The following PIK3C2B variants were observed in gnomAD, a reference collection of about 807,000 sequenced individuals.
The protein encoded by PIK3C2B is phosphatidylinositol-4-phosphate 3-kinase catalytic subunit type 2 beta.
A neutral mutation model predicts 184.3 loss-of-function variants in PIK3C2B; 83 were observed. The ratio of observed to expected loss-of-function variants is 0.45; its 90% CI spans 0.38 to 0.54. The LOEUF (loss-of-function observed/expected upper bound fraction) is 0.54, where lower values mean the gene tolerates loss of function less well. Among genes scored for constraint, PIK3C2B ranks in the 20% least tolerant of loss-of-function variants. The pLI is 0.00. For missense variants in PIK3C2B, 1,736 were observed against 2,113.5 expected (o/e 0.82, Z 3.50); for synonymous variants, 779 against 837.6 (o/e 0.93, Z 1.21).
At chr1:204,425,842 T>G in intron 31 of PIK3C2B, 101 bp from the exon 32 acceptor site, 1 of 1,107,424 alleles carries the variant, frequency 9.0e-7, no homozygotes, top group Non-Finnish European at 1.3e-6. Flanking sequence ...TCATCTGCCA[T>G]CTGGCATCTT....
chr1:204,451,234 C>A (rs1295786687), intron 12 of PIK3C2B, among the ~76,000 whole-genome samples: 3 of 152,262 alleles, frequency 2.0e-5, no homozygotes, highest in African/African-American at 7.2e-5. Context: ...TACAGTGGGG[C>A]AGAGAATCAG....
chr1:204,458,624 G>T, intron 8 of PIK3C2B, among the ~76,000 whole-genome samples: 1 of 151,780 alleles, frequency 6.6e-6, no homozygotes, highest in East Asian at 1.9e-4. Context: ...CTCCTGAATA[G>T]CTGGGATTAC....
chr1:204,425,468 A>G, intron 32 of PIK3C2B, 145 bp downstream of exon 32: 1 of 832,164 alleles, frequency 1.2e-6, no homozygotes. Context: ...TTGCAACATG[A>G]AAGCAGCTAC....
chr1:204,441,667 G>T, intron 20 of PIK3C2B, 104 bp from the exon 21 acceptor site: 1 of 672,882 alleles, frequency 1.5e-6, no homozygotes, highest in Non-Finnish European at 2.6e-6. Context: ...CGCTGCTGCC[G>T]GTCCACCCAA....
Position 204,468,897 on chromosome 1 carries a change from G to C in PIK3C2B, c.906C>G (p.Gly302=). 6.3e-7 allele frequency: 1 copy of C among 1,595,716 alleles called. No homozygotes were observed. The highest frequency in any genetic ancestry group is 8.5e-7 in the Non-Finnish European group (1 of 1,169,766). The change falls in exon 2 of 33, where the codon GGC becomes GGG. Residue 302 remains glycine, a synonymous_variant. Coordinates refer to ENST00000684373, the MANE Select transcript of PIK3C2B (RefSeq NM_001377334.1). ...GGGCTGCAGAAATCCGGCGGTTCTT[G>C]CCAGGCGTCGCATTCTTTCGGTTGC... is the stretch of plus-strand genomic sequence containing the variant. ...RYGNRKNATP[G]KNRRISAAPV...
chr1:204,437,261 G>A (rs1301744574), intron 23 of PIK3C2B, among the ~76,000 whole-genome samples: 1 of 152,168 alleles, frequency 6.6e-6, no homozygotes, highest in East Asian at 1.9e-4. Flanking sequence ...ATGGGAGGCT[G>A]AGGTGGGTGG....
chr1:204,488,817 T>C (rs1039691882), intron 1 of PIK3C2B, among the ~76,000 whole-genome samples: 1 of 152,194 alleles, frequency 6.6e-6, no homozygotes, highest in Non-Finnish European at 1.5e-5. Context: ...GCAACCCATA[T>C]TTCCCCCACT....
Position 204,433,481 on chromosome 1 carries a change from T to C in PIK3C2B, c.3844-56A>G, listed in dbSNP as rs1166236575. 27 of 1,138,020 alleles carry C rather than the reference T, an allele frequency of 2.4e-5. No homozygotes were observed. The South Asian group carries it at 3.3e-4, about 14-fold the overall frequency. The allele number at this position is 1,138,020 out of a possible 1,614,324, so 70.5% of individuals were successfully genotyped here. On this transcript the variant is annotated intron_variant, in intron 25 of 32. Transcript: ENST00000684373. This position sits in a 1 kb window ranked among gnomAD's most constrained non-coding sequence, Gnocchi z 5.0. ...GCCTGTAACAACAGAGAATTCTTGCTGCTTCTCTACCCTTAGGCAAGGTTT... is the reference window on the plus strand; with the variant it reads ...GCCTGTAACAACAGAGAATTCTTGCCGCTTCTCTACCCTTAGGCAAGGTTT...
intron 1 of PIK3C2B, among the ~76,000 whole-genome samples, chr1:204,476,790 G>A (rs537952561): frequency 1.6e-4 from 25 of 152,260 alleles, no homozygotes; most frequent in African/African-American, 5.8e-4. Flanking sequence ...TGATACCCCC[G>A]ACCACAAAAA....
At chr1:204,445,810 A>G in intron 16 of PIK3C2B, 146 bp downstream of exon 16, 2 of 528,778 alleles carry the variant, frequency 3.8e-6, no homozygotes, top group Admixed American at 3.3e-5. Flanking sequence ...GAGAAAGAAA[A>G]AGCAAAAAGG....
intron 12 of PIK3C2B, among the ~76,000 whole-genome samples, chr1:204,453,294 C>T (rs146782598): frequency 0.01 from 1,529 of 152,304 alleles, 14 homozygotes; most frequent in Middle Eastern, 0.027. Context: ...AAAACCCCTG[C>T]GGTGCCCCCA....
In PIK3C2B at chr1:204,434,293, C is replaced by T. The variant is rs546414459; in HGVS notation, c.3686+146G>A. 9.0e-4 allele frequency: 637 copies of T among 706,772 alleles called. 2 individuals carry two copies. Among genetic ancestry groups the T allele is most frequent in the Non-Finnish European group, 1.3e-3 (549 of 416,230 alleles). The allele number at this position is 706,772 out of a possible 1,614,324, so 43.8% of individuals were successfully genotyped here. ...CCTGCAAGGACTTGACCTCTTTATC[C>T]GTCTTCTCTCCTCCAATGCTGCTCA... On this transcript the variant is annotated intron_variant, in intron 24 of 32. Transcript: ENST00000684373.
chr1:204,489,591 C>G (rs1333162124), intron 1 of PIK3C2B, among the ~76,000 whole-genome samples: 4 of 152,102 alleles, frequency 2.6e-5, no homozygotes, highest in Non-Finnish European at 4.4e-5. Context: ...TGCAAACCAC[C>G]TCCCTTTTCT....
chr1:204,436,802 G>A (rs1233380494), intron 23 of PIK3C2B, among the ~76,000 whole-genome samples: 1 of 152,118 alleles, frequency 6.6e-6, no homozygotes, highest in Non-Finnish European at 1.5e-5. Flanking sequence ...CTCTGCATAT[G>A]GGTGTTTAAT....
intron 11 of PIK3C2B, among the ~76,000 whole-genome samples, chr1:204,455,374 T>C (rs1654755568): frequency 6.6e-6 from 1 of 152,088 alleles, no homozygotes; most frequent in African/African-American, 2.4e-5. Context: ...CCAGTGCCTA[T>C]TCCCTCAGGC....
intron 1 of PIK3C2B, among the ~76,000 whole-genome samples, chr1:204,479,742 G>C (rs1656985954): frequency 6.6e-6 from 1 of 152,222 alleles, no homozygotes; most frequent in South Asian, 2.1e-4. Context: ...TGTCACCACT[G>C]TCACCTCCAG....
chr1:204,443,657 G>C (rs772105676), intron 18 of PIK3C2B, 60 bp from the exon 19 acceptor site: 138 of 1,503,270 alleles, frequency 9.2e-5, no homozygotes, highest in Non-Finnish European at 1.2e-4. Context: ...AAGGGTACAG[G>C]GGGAGACAGA....
At chr1:204,450,859 G>A (rs997989125) in intron 12 of PIK3C2B, among the ~76,000 whole-genome samples, 12 of 152,168 alleles carry the variant, frequency 7.9e-5, no homozygotes, top group Admixed American at 2.6e-4. Context: ...GTTACCTTTC[G>A]GGGAAGCTGT....
At chr1:204,458,587 G>A (rs1174498443) in intron 8 of PIK3C2B, among the ~76,000 whole-genome samples, 3 of 150,984 alleles carry the variant, frequency 2.0e-5, no homozygotes, top group African/African-American at 4.9e-5. Context: ...TCTGCCTCCC[G>A]GGTTCAAGCA....
Sources: allele counts gnomAD v4.1 joint callset (sites outside exome capture counted in the v4.1 genomes callset), GRCh38; gene constraint gnomAD v4.1.1; non-coding constraint Gnocchi (gnomAD v3.1); transcripts MANE v1.5; gene names NCBI Gene and HGNC (gene_info 2026-07-23, HGNC 2026-07-21).